The following INTS3 variants were observed in gnomAD, a reference collection of about 807,000 sequenced individuals.
INTS3 encodes the protein SOSS complex subunit A.
Under a neutral mutation model 146.3 loss-of-function variants are expected in INTS3, and 34 were observed. That is an observed-to-expected ratio of 0.23 (90% CI 0.18 to 0.31). The LOEUF is 0.31. INTS3 is among the 10% of genes least tolerant of loss of function. The probability of loss-of-function intolerance (pLI) is 1.00; values close to 1 mark genes in which losing one functional copy is unlikely to be tolerated. For missense variants in INTS3, 757 were observed against 1,304.2 expected (o/e 0.58, Z 6.46); for synonymous variants, 475 against 494.9 (o/e 0.96, Z 0.53).
chr1:153,765,796 C>G lies in INTS3; in HGVS notation c.2090+733C>G, dbSNP rs1672557223. Among the ~76,000 whole-genome samples, 2 of 152,106 alleles carry G rather than the reference C, an allele frequency of 1.3e-5. 1 individual carries two copies. Among genetic ancestry groups the G allele is most frequent in the South Asian group, 4.1e-4 (2 of 4,836 alleles). On this transcript the variant is annotated intron_variant, in intron 20 of 29. Transcript: ENST00000318967. ...TGTTGGTCAGGCTGGTCTCGAACTCCCGACCTCAGGTGATCCACCCACCTT... is the reference window on the plus strand; with the variant it reads ...TGTTGGTCAGGCTGGTCTCGAACTCGCGACCTCAGGTGATCCACCCACCTT...
intron 29 of INTS3, 36 bp downstream of exon 29, chr1:153,773,117 C>T: frequency 1.2e-6 from 2 of 1,613,998 alleles, no homozygotes; most frequent in Non-Finnish European, 1.7e-6. Flanking sequence ...GGAAAAGGAG[C>T]ACTGGGTGCA....
intron 1 of INTS3, among the ~76,000 whole-genome samples, chr1:153,734,359 TCC>T (rs776822863): frequency 3.9e-5 from 6 of 152,324 alleles, no homozygotes; most frequent in Admixed American, 1.3e-4. Context: ...AATTTTCCCA[TCC>T]CTGTTTGGAA....
At chr1:153,735,252 A>G (rs982797550) in intron 1 of INTS3, among the ~76,000 whole-genome samples, 7 of 152,206 alleles carry the variant, frequency 4.6e-5, no homozygotes, top group Non-Finnish European at 1.0e-4. Context: ...GATTATAGGC[A>G]TGAGCCACCA....
chr1:153,763,131 G>A, intron 15 of INTS3, 102 bp from the exon 16 acceptor site: 3 of 1,437,576 alleles, frequency 2.1e-6, no homozygotes, highest in South Asian at 1.2e-5. Flanking sequence ...GGAAACAGGT[G>A]CACACTTAGG....
chr1:153,766,366 C>T (rs1437497943), intron 20 of INTS3: 1 of 151,574 alleles, frequency 6.6e-6, no homozygotes, highest in Non-Finnish European at 1.5e-5. Context: ...GGTATGATCG[C>T]AGCTCATTGC....
intron 3 of INTS3, among the ~76,000 whole-genome samples, chr1:153,746,629 C>T (rs1391806819): frequency 6.6e-6 from 1 of 152,134 alleles, no homozygotes; most frequent in Non-Finnish European, 1.5e-5. Flanking sequence ...TCTCGATCTC[C>T]TGACCTCGTG....
At chr1:153,730,705 G>C (rs545593315) in intron 1 of INTS3, among the ~76,000 whole-genome samples, 1 of 152,224 alleles carries the variant, frequency 6.6e-6, no homozygotes, top group African/African-American at 2.4e-5. Context: ...ACTTCCAACT[G>C]TTTCCAGGGA....
chr1:153,772,750 G>C lies in INTS3; in HGVS notation c.2894+39G>C. ...CACTTTGGGCCTTGGAAAGTAGTAG[G>C]GGAAAAGCCTAAGGGAGAGGAAGCC... is the stretch of plus-strand genomic sequence containing the variant. On this transcript the variant is annotated intron_variant, in intron 28 of 29. Coordinates refer to ENST00000318967, the MANE Select transcript of INTS3 (RefSeq NM_023015.5). This position sits in a 1 kb window ranked among gnomAD's most constrained non-coding sequence, Gnocchi z 4.6. 2 of 1,607,988 alleles carry C rather than the reference G, an allele frequency of 1.2e-6. No homozygotes were observed. Among genetic ancestry groups the C allele is most frequent in the Non-Finnish European group, 1.7e-6 (2 of 1,176,804 alleles).
rs760693562 is a variant in INTS3, at chr1:153,770,726, A to G, written c.2545A>G (p.Arg849Gly). 3.1e-6 allele frequency: 5 copies of G among 1,613,322 alleles called. No individual in the cohort carries two copies. The highest frequency in any genetic ancestry group is 4.2e-6 in the Non-Finnish European group (5 of 1,179,414). ...GTCCTGCCTACTGCTTCAACTCCGA[A>G]GAGAAAAGTGAGTTCCACTTCTGGG... is the stretch of plus-strand genomic sequence containing the variant. The part of the protein sequence containing the change: ...ALSCLLLQLR[R>G]EKPSEEMVKM... Residue 849 changes from arginine to glycine, a missense_variant, in exon 25 of 30, where the codon AGA (arginine) becomes GGA (glycine). This residue lies in a region of INTS3 where 116 missense variants were observed against 226.5 expected (regional missense o/e 0.51). Transcript: ENST00000318967.
At chr1:153,736,957 C>T (rs944455860) in intron 1 of INTS3, among the ~76,000 whole-genome samples, 3 of 151,336 alleles carry the variant, frequency 2.0e-5, no homozygotes, top group African/African-American at 7.3e-5. Flanking sequence ...TAAGTAGAGG[C>T]GGGGTTTGAC....
At chr1:153,761,425 G>A (rs778157380) in intron 13 of INTS3, 145 bp from the exon 14 acceptor site, 110 of 607,750 alleles carry the variant, frequency 1.8e-4, no homozygotes, top group Middle Eastern at 1.2e-3. Context: ...CACAAGAATC[G>A]CTTGAATCCG....
chr1:153,746,023 T>C (rs915948869), intron 3 of INTS3, among the ~76,000 whole-genome samples: 5 of 152,196 alleles, frequency 3.3e-5, no homozygotes, highest in Admixed American at 2.0e-4. Flanking sequence ...CAATGAGCTA[T>C]GATCATGCCA....
At chr1:153,764,250 C>T in intron 18 of INTS3, 29 bp downstream of exon 18, 1 of 1,476,892 alleles carries the variant, frequency 6.8e-7, no homozygotes, top group Non-Finnish European at 9.5e-7. Context: ...CACTCCAGAG[C>T]CTCAGGAGCC....
intron 1 of INTS3, among the ~76,000 whole-genome samples, chr1:153,735,366 G>T (rs113856029): frequency 1.3e-5 from 2 of 152,136 alleles, no homozygotes; most frequent in African/African-American, 4.8e-5. Context: ...TGTGATAGAG[G>T]CATTATCTCT....
At chr1:153,759,655 T>A in intron 11 of INTS3, 42 bp downstream of exon 11, 1 of 1,303,174 alleles carries the variant, frequency 7.7e-7, no homozygotes. Context: ...CCCATCCCCC[T>A]AAGCCCCCAC....
chr1:153,730,184 A>G (rs565645953), intron 1 of INTS3, among the ~76,000 whole-genome samples: 13 of 152,348 alleles, frequency 8.5e-5, no homozygotes, highest in African/African-American at 2.4e-4. Flanking sequence ...GCAAATGTCT[A>G]CTTGCAGTCT....
At chr1:153,765,762 G>T (rs977071793) in intron 20 of INTS3, among the ~76,000 whole-genome samples, 4 of 151,952 alleles carry the variant, frequency 2.6e-5, no homozygotes, top group Non-Finnish European at 5.9e-5. Flanking sequence ...TAGAGACAGG[G>T]TTTCTCTGTG....
At position 153,774,769 on chromosome 1, in the gene INTS3, CCA is replaced by C. The variant is rs1321985734; in HGVS notation, c.*1500_*1501del. 3.8e-6 allele frequency: 1 copy of C among 261,594 alleles called. No individual in the cohort carries two copies. Among genetic ancestry groups the C allele is most frequent in the Non-Finnish European group, 7.3e-6 (1 of 137,546 alleles). The allele number at this position is 261,594 out of a possible 1,614,324, so 16.2% of individuals were successfully genotyped here. Reference sequence around the variant, plus strand: ...TTCTTTTTCCTTCCTCTCTCCTTCCCCAGTTTCCTCTGTCCCAATTAAAACCA... The same window carrying C: ...TTCTTTTTCCTTCCTCTCTCCTTCCCGTTTCCTCTGTCCCAATTAAAACCA... On this transcript the variant is annotated 3_prime_UTR_variant, in exon 30 of 30. Coordinates refer to ENST00000318967, the MANE Select transcript of INTS3 (RefSeq NM_023015.5).
At chr1:153,763,033 AAAG>A (rs1418671569) in intron 15 of INTS3, among the ~76,000 whole-genome samples, 186 bp downstream of exon 15, 2 of 152,196 alleles carry the variant, frequency 1.3e-5, no homozygotes, top group African/African-American at 2.4e-5. Context: ...AGGAAGGAAA[AAAG>A]AAGTGGTTCC....
Sources: allele counts gnomAD v4.1 joint callset (sites outside exome capture counted in the v4.1 genomes callset), GRCh38; gene constraint gnomAD v4.1.1; regional missense constraint gnomAD v4.1.1; non-coding constraint Gnocchi (gnomAD v3.1); transcripts MANE v1.5; gene names NCBI Gene and HGNC (gene_info 2026-07-23, HGNC 2026-07-21).